CIMAP1C: variants seen among roughly 807,000 people sequenced by gnomAD.
CIMAP1C encodes the protein outer dense fiber of sperm tails 3 like 1.
At chr15:75,725,183 C>T in the CIMAP1C span, 5 of 1,613,966 alleles carry the variant, frequency 3.1e-6, no homozygotes, top group Non-Finnish European at 3.4e-6. Context: ...TTCAAGGCAC[C>T]AGCTTATACC....
the CIMAP1C span, chr15:75,725,127 C>T: frequency 1.2e-6 from 2 of 1,613,978 alleles, no homozygotes; most frequent in African/African-American, 2.7e-5. Flanking sequence ...CCGCCAAGTA[C>T]CTCCGGCCAT....
At chr15:75,727,106 C>A in the CIMAP1C span, 1 of 1,613,912 alleles carries the variant, frequency 6.2e-7, no homozygotes, top group Non-Finnish European at 8.5e-7. Context: ...TGAGAAGATC[C>A]ACCCACCGGG....
At chr15:75,727,397 C>T in the CIMAP1C span, 2 of 1,614,080 alleles carry the variant, frequency 1.2e-6, no homozygotes, top group African/African-American at 1.3e-5. Context: ...CTTCGCCTAC[C>T]CTCTGGACCT....
the CIMAP1C span, chr15:75,727,666 C>T: frequency 4.3e-6 from 4 of 940,510 alleles, no homozygotes; most frequent in Middle Eastern, 2.2e-4. Context: ...ACACAGAAGA[C>T]ATTAGAGATA....
chr15:75,724,162 C>A, the CIMAP1C span: 1 of 1,417,564 alleles, frequency 7.1e-7, no homozygotes, highest in Non-Finnish European at 1.0e-6. Flanking sequence ...TGTTTAGACC[C>A]TGCTGTAGCT....
the CIMAP1C span, chr15:75,724,173 G>A: frequency 6.6e-7 from 1 of 1,512,866 alleles, no homozygotes; most frequent in Non-Finnish European, 9.2e-7. Flanking sequence ...TGCTGTAGCT[G>A]CTGCTGCTCC....
At chr15:75,724,385 C>T in the CIMAP1C span, 1 of 1,045,240 alleles carries the variant, frequency 9.6e-7, no homozygotes, top group Non-Finnish European at 1.5e-6. Flanking sequence ...CAGCCTGCCT[C>T]CTGCAAAGCC....
chr15:75,726,142 T>C, the CIMAP1C span: 3 of 1,586,932 alleles, frequency 1.9e-6, no homozygotes, highest in Non-Finnish European at 2.6e-6. Context: ...TGCCCGCAGG[T>C]CCCCATGGAG....
chr15:75,725,325 C>G, the CIMAP1C span: 1 of 906,552 alleles, frequency 1.1e-6, no homozygotes, highest in South Asian at 1.4e-5. Context: ...CTGAGACACT[C>G]AAGGGGCCCC....
the CIMAP1C span, among the ~76,000 whole-genome samples, chr15:75,725,875 G>C: frequency 6.6e-6 from 1 of 152,240 alleles, no homozygotes; most frequent in Non-Finnish European, 1.5e-5. Flanking sequence ...CTCTGAGCAA[G>C]TTCTTGAAAA....
At chr15:75,725,298 C>A in the CIMAP1C span, 1 of 1,102,488 alleles carries the variant, frequency 9.1e-7, no homozygotes, top group Non-Finnish European at 1.4e-6. Flanking sequence ...GAGCCATTCT[C>A]TGTAGCCACT....
chr15:75,724,301 C>T, the CIMAP1C span: 3 of 1,612,838 alleles, frequency 1.9e-6, no homozygotes, highest in Non-Finnish European at 1.7e-6. Context: ...CCCCTGTCAT[C>T]ATGGCCAAGA....
At chr15:75,724,392 A>T in the CIMAP1C span, 37 of 997,456 alleles carry the variant, frequency 3.7e-5, no homozygotes, top group Non-Finnish European at 5.4e-5. Context: ...CCTCCTGCAA[A>T]GCCCCTTCCA....
chr15:75,726,551 T>C, the CIMAP1C span, among the ~76,000 whole-genome samples: 1 of 152,056 alleles, frequency 6.6e-6, no homozygotes, highest in African/African-American at 2.4e-5. Flanking sequence ...ACATTATGGT[T>C]TTTTACATGA....
At chr15:75,727,048 C>T in the CIMAP1C span, 1 of 1,607,906 alleles carries the variant, frequency 6.2e-7, no homozygotes, top group African/African-American at 1.3e-5. Context: ...CTTCCCGCCA[C>T]TCCCTTTCAG....
chr15:75,726,131 C>T, the CIMAP1C span: 10 of 1,613,736 alleles, frequency 6.2e-6, no homozygotes, highest in East Asian at 2.2e-4. Flanking sequence ...GAATGTCCAG[C>T]TGCCCGCAGG....
chr15:75,724,269 T>C, the CIMAP1C span: 7 of 1,614,112 alleles, frequency 4.3e-6, no homozygotes, highest in Non-Finnish European at 5.9e-6. Flanking sequence ...GCCATTGCCC[T>C]CAAGGCAGGA....
At chr15:75,726,495 C>CT in the CIMAP1C span, among the ~76,000 whole-genome samples, 3 of 152,158 alleles carry the variant, frequency 2.0e-5, no homozygotes, top group African/African-American at 7.2e-5. Context: ...TGTCTGGATG[C>CT]TGACACTGTA....
the CIMAP1C span, chr15:75,726,921 C>T: frequency 8.8e-7 from 1 of 1,136,638 alleles, no homozygotes; most frequent in African/African-American, 1.6e-5. Context: ...GCCTAAGTGA[C>T]CATTTGGATG....
Sources: allele counts gnomAD v4.1 joint callset (sites outside exome capture counted in the v4.1 genomes callset), GRCh38; gene constraint gnomAD v4.1.1; transcripts MANE v1.5; gene names NCBI Gene and HGNC (gene_info 2026-07-23, HGNC 2026-07-21).